Variants in PTPRZ1 observed in about 807,000 individuals in gnomAD.
PTPRZ1 encodes protein tyrosine phosphatase receptor type Z1.
PTPRZ1 carries 82 observed loss-of-function variants against 214.1 expected under a neutral mutation model. That is an observed-to-expected ratio of 0.38 (90% CI 0.32 to 0.46). The LOEUF (loss-of-function observed/expected upper bound fraction) is 0.46, where lower values mean the gene tolerates loss of function less well. Ranked by LOEUF, PTPRZ1 falls within the 20% of genes least tolerant of loss-of-function variation. The pLI is 1.00. For synonymous variants in PTPRZ1, 945 were observed against 987.9 expected, an observed-to-expected ratio of 0.96 and a Z score of 0.81; for missense variants, 2,603 against 2,748.7, an observed-to-expected ratio of 0.95 and a Z score of 1.19.
intron 6 of PTPRZ1, among the ~76,000 whole-genome samples, chr7:121,982,931 C>T (rs1452074872): frequency 6.6e-6 from 1 of 152,130 alleles, no homozygotes; most frequent in African/African-American, 2.4e-5. Context: ...ACACGTGCCA[C>T]CATGCCCAGC....
chr7:121,875,602 G>A (rs1013994048), intron 1 of PTPRZ1, among the ~76,000 whole-genome samples: 4 of 152,188 alleles, frequency 2.6e-5, no homozygotes, highest in Non-Finnish European at 5.9e-5. Context: ...TAATGCTACT[G>A]AATGTAAGCT....
chr7:121,988,750 A>G (rs1318824707), intron 8 of PTPRZ1, among the ~76,000 whole-genome samples: 1 of 152,232 alleles, frequency 6.6e-6, no homozygotes, highest in East Asian at 1.9e-4. Flanking sequence ...CTCTGGGGTT[A>G]AAAAGAGCAT....
intron 20 of PTPRZ1, among the ~76,000 whole-genome samples, chr7:122,040,422 T>G (rs1799688775): frequency 3.3e-5 from 5 of 152,184 alleles, no homozygotes; most frequent in African/African-American, 1.2e-4. Flanking sequence ...GAATTCTTTA[T>G]TCTTCAGGTA....
Position 121,988,308 on chromosome 7 carries a change from A to G in PTPRZ1, c.928+4191A>G, listed in dbSNP as rs572681180. ...ACATAGACTAATATGCACATTTATG[A>G]TTTTAAAGTTTCAATCATTGTCAAA... On this transcript the variant is annotated intron_variant, in intron 8 of 29. Transcript: ENST00000393386. Among the ~76,000 whole-genome samples, 6 of 152,214 alleles carry G rather than the reference A, an allele frequency of 3.9e-5. No individual in the cohort carries two copies. In the East Asian group the frequency reaches 1.2e-3, roughly 29 times the overall value.
At chr7:121,938,286 C>T (rs142192412) in intron 2 of PTPRZ1, among the ~76,000 whole-genome samples, 1 of 152,018 alleles carries the variant, frequency 6.6e-6, no homozygotes, top group Non-Finnish European at 1.5e-5. Flanking sequence ...GAAATCTCAC[C>T]CCCCCATATA....
intron 1 of PTPRZ1, among the ~76,000 whole-genome samples, chr7:121,898,565 C>A (rs1246958479): frequency 6.6e-6 from 1 of 151,978 alleles, no homozygotes; most frequent in Non-Finnish European, 1.5e-5. Context: ...TCTTCCCTGC[C>A]AGAATAATGC....
At chr7:122,055,498 C>T (rs951177712) in intron 27 of PTPRZ1, among the ~76,000 whole-genome samples, 9 of 151,650 alleles carry the variant, frequency 5.9e-5, no homozygotes, top group African/African-American at 1.7e-4. Context: ...TACTACCTAC[C>T]GAAACTTACT....
In PTPRZ1 at chr7:121,928,165, ATGG is replaced by A. The variant is rs1795819314; in HGVS notation, c.69_71del (p.Asn23_Gly24delinsLys). ...TTTTTCTTTTTTATAGATTGGGCTA[ATGG>A]ATACTACAGACAACAGAGAAAACTT... On this transcript the variant is annotated inframe_deletion, in exon 2 of 30. Coordinates refer to ENST00000393386, the MANE Select transcript of PTPRZ1 (RefSeq NM_002851.3). 6.2e-7 allele frequency: 1 copy of A among 1,611,772 alleles called. No individual in the cohort carries two copies. Among genetic ancestry groups the A allele is most frequent in the Admixed American group, 1.7e-5 (1 of 59,960 alleles).
Position 121,873,328 on chromosome 7 carries a change from T to TCTCA in PTPRZ1, c.-171_-170insTCAC, listed in dbSNP as rs1554421601. On this transcript the variant is annotated 5_prime_UTR_variant, in exon 1 of 30. Coordinates refer to ENST00000393386, the MANE Select transcript of PTPRZ1 (RefSeq NM_002851.3). ...GTCTCTGTCTCTGTCTCTCTCTCTC[T>TCTCA]CACACACACACACACACACACAAAC... is the stretch of plus-strand genomic sequence containing the variant. 1.5e-3 allele frequency: 813 copies of TCTCA among 533,134 alleles called. 3 individuals are homozygous for TCTCA. Among genetic ancestry groups the TCTCA allele is most frequent in the African/African-American group, 0.014 (688 of 50,740 alleles). 33.0% of individuals were successfully genotyped at this position (533,134 alleles called of 1,614,324 possible). A position where few individuals can be genotyped will look rare whatever the true frequency, so the allele number is the denominator to read the frequency against.
In PTPRZ1 at chr7:122,039,500, G is replaced by T; in HGVS notation, c.5549G>T (p.Gly1850Val). ...CCTGCCGATGGGAGTGAGGAGTACGGGAACTTTCTGGTCACTCAGAAGAGT... is the reference window on the plus strand; with the variant it reads ...CCTGCCGATGGGAGTGAGGAGTACGTGAACTTTCTGGTCACTCAGAAGAGT... ...YWPADGSEEY[G>V]NFLVTQKSVQ... The change falls in exon 20 of 30, where the codon GGG (glycine) becomes GTG (valine). Residue 1850 changes from glycine to valine, a missense_variant. Transcript: ENST00000393386. 1 of 1,613,968 alleles carries T rather than the reference G, an allele frequency of 6.2e-7. No individual in the cohort carries two copies. Among genetic ancestry groups the T allele is most frequent in the Middle Eastern group, 1.6e-4 (1 of 6,062 alleles).
At chr7:121,948,575 C>T (rs1440799436) in intron 2 of PTPRZ1, among the ~76,000 whole-genome samples, 1 of 151,992 alleles carries the variant, frequency 6.6e-6, no homozygotes, top group East Asian at 1.9e-4. Context: ...GAAAAGTAGC[C>T]ATCTGGTGAC....
chr7:122,045,008 A>G (rs892405703), intron 23 of PTPRZ1, among the ~76,000 whole-genome samples: 5 of 152,014 alleles, frequency 3.3e-5, no homozygotes, highest in Admixed American at 3.3e-4. Flanking sequence ...AGTAGTACAC[A>G]CTGGAATAAT....
intron 10 of PTPRZ1, among the ~76,000 whole-genome samples, chr7:122,001,455 G>A (rs1798321300): frequency 6.6e-6 from 1 of 152,140 alleles, no homozygotes; most frequent in South Asian, 2.1e-4. Flanking sequence ...AATGCATGAT[G>A]AATTAAATCC....
chr7:122,027,534 G>C (rs974905460), intron 13 of PTPRZ1, among the ~76,000 whole-genome samples: 10 of 152,130 alleles, frequency 6.6e-5, no homozygotes, highest in African/African-American at 2.4e-4. Flanking sequence ...GTAGCTTGAA[G>C]GTTTAGATGG....
chr7:121,884,241 G>T (rs1794329845), intron 1 of PTPRZ1, among the ~76,000 whole-genome samples: 1 of 151,768 alleles, frequency 6.6e-6, no homozygotes, highest in Admixed American at 6.6e-5. Context: ...ACATGTAATG[G>T]TTTATATATA....
intron 21 of PTPRZ1, among the ~76,000 whole-genome samples, chr7:122,041,283 A>G (rs1454657254): frequency 6.6e-6 from 1 of 152,208 alleles, no homozygotes; most frequent in African/African-American, 2.4e-5. Flanking sequence ...TGTTAAACAA[A>G]TATTTACCTC....
chr7:122,051,314 G>A (rs1434884189), intron 23 of PTPRZ1, 114 bp from the exon 24 acceptor site: 2 of 573,938 alleles, frequency 3.5e-6, no homozygotes, highest in Non-Finnish European at 5.8e-6. Flanking sequence ...TATATTTTTA[G>A]TCAGTATCTT....
chr7:122,042,462 C>T (rs1000823535), intron 21 of PTPRZ1, 146 bp from the exon 22 acceptor site: 1 of 717,286 alleles, frequency 1.4e-6, no homozygotes, highest in Non-Finnish European at 2.1e-6. Context: ...AAACTGTTTA[C>T]AATATTGAAT....
intron 1 of PTPRZ1, among the ~76,000 whole-genome samples, chr7:121,927,377 A>G (rs1282910808): frequency 6.6e-6 from 1 of 152,194 alleles, no homozygotes; most frequent in African/African-American, 2.4e-5. Flanking sequence ...ATGAATCTGA[A>G]CACTCCCATT....
Sources: gnomAD v4.1 joint callset for allele counts (sites outside exome capture counted in the v4.1 genomes callset) on GRCh38, gnomAD v4.1.1 for gene constraint, MANE v1.5 for transcripts, NCBI Gene and HGNC (gene_info 2026-07-23, HGNC 2026-07-21) for gene names.